The following MACROD1 variants were observed in gnomAD, a reference collection of about 807,000 sequenced individuals.
MACROD1 encodes mono-ADP ribosylhydrolase 1, also known as ADP-ribose glycohydrolase MACROD1.
A neutral mutation model predicts 41.4 loss-of-function variants in MACROD1; 31 were observed. That is an observed-to-expected ratio of 0.75 (90% CI 0.56 to 1.01). The LOEUF (loss-of-function observed/expected upper bound fraction) is 1.01. Ranked by LOEUF, MACROD1 falls within the 50% of genes least tolerant of loss-of-function variation. MACROD1 has a pLI of 0.00. For missense variants in MACROD1, 473 were observed against 460.0 expected (o/e 1.03, Z -0.26); for synonymous variants, 252 against 203.4 (o/e 1.24, Z -2.03).
intron 3 of MACROD1, among the ~76,000 whole-genome samples, chr11:64,042,574 A>G (rs915177750): frequency 1.6e-4 from 25 of 152,116 alleles, no homozygotes; most frequent in African/African-American, 4.3e-4. Context: ...TGGCTAGCCA[A>G]TGGGGGGCTG....
chr11:64,156,512 G>A (rs1302421766), intron 1 of MACROD1, among the ~76,000 whole-genome samples: 3 of 152,152 alleles, frequency 2.0e-5, no homozygotes, highest in Admixed American at 2.0e-4. Context: ...CATGGAACTA[G>A]ACCAGCGTGA....
intron 3 of MACROD1, among the ~76,000 whole-genome samples, chr11:64,097,509 G>A (rs901966711): frequency 2.6e-5 from 4 of 152,236 alleles, no homozygotes; most frequent in Non-Finnish European, 5.9e-5. Context: ...GAGGGTGGGC[G>A]CTGGCAAAGG....
At chr11:64,051,643 G>A (rs1425678368) in intron 3 of MACROD1, among the ~76,000 whole-genome samples, 1 of 152,232 alleles carries the variant, frequency 6.6e-6, no homozygotes, top group African/African-American at 2.4e-5. Context: ...GCTGGTGGCA[G>A]TGTGTACATC....
At chr11:64,153,251 G>A (rs1945612347) in intron 1 of MACROD1, among the ~76,000 whole-genome samples, 1 of 152,184 alleles carries the variant, frequency 6.6e-6, no homozygotes, top group Non-Finnish European at 1.5e-5. Context: ...TCCCCCTGCT[G>A]GCCCGAGGCC....
At chr11:64,001,252 C>T in intron 4 of MACROD1, 1 of 607,276 alleles carries the variant, frequency 1.6e-6, no homozygotes, top group Non-Finnish European at 2.9e-6. Flanking sequence ...TGAGATCCTG[C>T]CCCTTCCCCT....
At chr11:64,105,649 G>A (rs1160947921) in intron 3 of MACROD1, among the ~76,000 whole-genome samples, 1 of 152,220 alleles carries the variant, frequency 6.6e-6, no homozygotes, top group African/African-American at 2.4e-5. Context: ...AGGCGTGAGT[G>A]ACCCCACAGG....
At chr11:64,008,151 C>A (rs1395837076) in intron 4 of MACROD1, among the ~76,000 whole-genome samples, 1 of 152,126 alleles carries the variant, frequency 6.6e-6, no homozygotes, top group Non-Finnish European at 1.5e-5. Context: ...GAACAGAGAA[C>A]CAGCCAGAGC....
At chr11:64,140,227 C>T (rs138558831) in intron 3 of MACROD1, among the ~76,000 whole-genome samples, 1 of 152,374 alleles carries the variant, frequency 6.6e-6, no homozygotes, top group East Asian at 1.9e-4. Context: ...GCCCACCTCA[C>T]GCCCCACTGC....
intron 3 of MACROD1, among the ~76,000 whole-genome samples, chr11:64,065,804 A>AT (rs1943994342): frequency 6.6e-6 from 1 of 151,364 alleles, no homozygotes; most frequent in Admixed American, 6.6e-5. Context: ...AAAAAAAAAA[A>AT]AAAAAAGATG....
intron 3 of MACROD1, among the ~76,000 whole-genome samples, chr11:64,105,182 C>T (rs1944737921): frequency 6.6e-6 from 1 of 152,228 alleles, no homozygotes; most frequent in Non-Finnish European, 1.5e-5. Context: ...GCCAGCCCGA[C>T]AGCGGGGCCG....
At chr11:64,113,648 T>C (rs570740631) in intron 3 of MACROD1, among the ~76,000 whole-genome samples, 1 of 108,556 alleles carries the variant, frequency 9.2e-6, no homozygotes, top group Non-Finnish European at 1.9e-5. Context: ...GATGGATGGA[T>C]GGGCAGACAG....
At chr11:64,125,456 G>A (rs1254620779) in intron 3 of MACROD1, among the ~76,000 whole-genome samples, 3 of 152,188 alleles carry the variant, frequency 2.0e-5, no homozygotes, top group South Asian at 2.1e-4. Flanking sequence ...CCAACGGAAC[G>A]AGGCCGCCTC....
chr11:64,006,945 C>G (rs1481972842), intron 4 of MACROD1, among the ~76,000 whole-genome samples: 1 of 152,156 alleles, frequency 6.6e-6, no homozygotes, highest in East Asian at 1.9e-4. Flanking sequence ...GCCGTTGGCA[C>G]CATCATCAAC....
intron 3 of MACROD1, among the ~76,000 whole-genome samples, chr11:64,147,692 G>A (rs1366602622): frequency 6.6e-6 from 1 of 151,634 alleles, no homozygotes; most frequent in Non-Finnish European, 1.5e-5. Context: ...CCAAAGTTCT[G>A]GGATTACAGG....
intron 3 of MACROD1, among the ~76,000 whole-genome samples, chr11:64,028,056 G>T (rs1943244301): frequency 6.6e-6 from 1 of 152,238 alleles, no homozygotes; most frequent in Non-Finnish European, 1.5e-5. Flanking sequence ...TGCAGCCAGT[G>T]GCTGCTCACC....
chr11:64,134,146 A>G (rs1316442818), intron 3 of MACROD1, among the ~76,000 whole-genome samples: 1 of 152,228 alleles, frequency 6.6e-6, no homozygotes, highest in Non-Finnish European at 1.5e-5. Flanking sequence ...TCAGGGCAAG[A>G]AGGCTGAGGT....
intron 3 of MACROD1, among the ~76,000 whole-genome samples, chr11:64,108,013 C>T (rs1944793441): frequency 1.3e-5 from 2 of 152,106 alleles, no homozygotes; most frequent in African/African-American, 4.8e-5. Context: ...CACAAAAGCC[C>T]AGGGAAGTAG....
chr11:64,045,203 G>A (rs1257224415), intron 3 of MACROD1, among the ~76,000 whole-genome samples: 1 of 151,976 alleles, frequency 6.6e-6, no homozygotes, highest in South Asian at 2.1e-4. Flanking sequence ...CTCGCTGCCC[G>A]CTGGTGCCCT....
At chr11:64,002,672 A>C (rs932600546) in intron 4 of MACROD1, among the ~76,000 whole-genome samples, 3 of 151,918 alleles carry the variant, frequency 2.0e-5, no homozygotes, top group Admixed American at 1.3e-4. Context: ...GAACCCCCCC[A>C]CCCTGCTCTC....
Sources: gnomAD v4.1 joint callset for allele counts (sites outside exome capture counted in the v4.1 genomes callset) on GRCh38, gnomAD v4.1.1 for gene constraint, MANE v1.5 for transcripts, NCBI Gene and HGNC (gene_info 2026-07-23, HGNC 2026-07-21) for gene names.